The following NEK6 variants were observed in gnomAD, a reference collection of about 807,000 sequenced individuals.
NEK6 encodes the protein NIMA related kinase 6, also known as serine/threonine-protein kinase Nek6.
In NEK6, 27 loss-of-function variants were observed where a neutral mutation model predicts 43.5. That is an observed-to-expected ratio of 0.62 (90% CI 0.46 to 0.86). The LOEUF (loss-of-function observed/expected upper bound fraction) is 0.86. Ranked by LOEUF, NEK6 falls within the 40% of genes least tolerant of loss-of-function variation. The pLI is 0.00. For synonymous variants in NEK6, 167 were observed against 164.1 expected (o/e 1.02, Z -0.14); for missense variants, 318 against 414.4 (o/e 0.77, Z 2.02).
Position 124,257,977 on chromosome 9 carries a change from G to C in NEK6, c.-138G>C, listed in dbSNP as rs1299135966. 29 of 978,886 alleles carry C rather than the reference G, an allele frequency of 3.0e-5. 1 individual carries two copies. The highest frequency in any genetic ancestry group is 3.5e-5 in the Non-Finnish European group (29 of 827,504). 60.6% of individuals were successfully genotyped at this position (978,886 alleles called of 1,614,324 possible). A position where few individuals can be genotyped will look rare whatever the true frequency, so the allele number is the denominator to read the frequency against. On this transcript the variant is annotated 5_prime_UTR_variant, in exon 1 of 10. Coordinates refer to ENST00000320246, the MANE Select transcript of NEK6 (RefSeq NM_014397.6). ...GTGGCGGCGGCGGCGGAACCGAGCT[G>C]ACGGGCGTGCGGCCGCTGCGCCGCA... is the stretch of plus-strand genomic sequence containing the variant.
chr9:124,313,198 C>A (rs145033054), intron 3 of NEK6, among the ~76,000 whole-genome samples: 237 of 152,246 alleles, frequency 1.6e-3, no homozygotes, highest in Middle Eastern at 3.4e-3. Context: ...GCAAAGCTTC[C>A]CAAGCCCCTT....
intron 7 of NEK6, among the ~76,000 whole-genome samples, chr9:124,328,177 A>G (rs1360946512): frequency 6.6e-6 from 1 of 152,174 alleles, no homozygotes; most frequent in East Asian, 1.9e-4. Context: ...TTCAGTATCC[A>G]CACACTGGGT....
chr9:124,329,682 A>G (rs1274046573), intron 7 of NEK6, among the ~76,000 whole-genome samples: 2 of 152,220 alleles, frequency 1.3e-5, no homozygotes, highest in Non-Finnish European at 2.9e-5. Context: ...CAGCAGGACA[A>G]GCTCCCAGAA....
At chr9:124,274,255 A>C (rs1249218391) in intron 1 of NEK6, among the ~76,000 whole-genome samples, 1 of 152,262 alleles carries the variant, frequency 6.6e-6, no homozygotes, top group African/African-American at 2.4e-5. Flanking sequence ...TCGCTGTGGC[A>C]GGGCATGTGA....
In NEK6 at chr9:124,324,275, C is replaced by G. The variant is rs1428482202; in HGVS notation, c.406-2055C>G. 6.6e-6 allele frequency among the ~76,000 whole-genome samples: 1 copy of G among 152,186 alleles called. No homozygotes were observed. Among genetic ancestry groups the G allele is most frequent in the Non-Finnish European group, 1.5e-5 (1 of 68,018 alleles). On this transcript the variant is annotated intron_variant, in intron 5 of 9. Coordinates refer to ENST00000320246, the MANE Select transcript of NEK6 (RefSeq NM_014397.6). This position sits in a 1 kb window ranked among gnomAD's most constrained non-coding sequence, Gnocchi z 5.3. ...CTCGGTTCCCCTGGTTCTGCCTGCT[C>G]TCAGGCCACCTCTGGGTTTCCAGAG...
At chr9:124,274,035 G>A (rs369291006) in intron 1 of NEK6, among the ~76,000 whole-genome samples, 1 of 152,334 alleles carries the variant, frequency 6.6e-6, no homozygotes, top group African/African-American at 2.4e-5. Flanking sequence ...CATCACTTCT[G>A]TGGGATGAGA....
chr9:124,321,648 C>A, intron 5 of NEK6, 79 bp downstream of exon 5: 1 of 962,138 alleles, frequency 1.0e-6, no homozygotes, highest in Non-Finnish European at 1.6e-6. Flanking sequence ...TTAGCCCAGT[C>A]CCACAATGCT....
chr9:124,314,019 C>T (rs779749648), intron 4 of NEK6, 34 bp downstream of exon 4: 1 of 1,607,802 alleles, frequency 6.2e-7, no homozygotes. Flanking sequence ...AGCTTTGCCT[C>T]CTCGGGGAGG....
upstream of NEK6, chr9:124,257,888 T>TG (rs1830866874): frequency 6.1e-6 from 6 of 984,936 alleles, no homozygotes; most frequent in Non-Finnish European, 7.3e-6. Context: ...GCACGAGCGC[T>TG]GGGGGCGGCG....
chr9:124,333,128 C>A (rs1829099075), intron 7 of NEK6, among the ~76,000 whole-genome samples: 1 of 152,254 alleles, frequency 6.6e-6, no homozygotes, highest in South Asian at 2.1e-4. Context: ...CTCCTGGCGT[C>A]TGGGGATGCA....
At chr9:124,304,426 G>A (rs1052891578) in intron 2 of NEK6, among the ~76,000 whole-genome samples, 1 of 152,158 alleles carries the variant, frequency 6.6e-6, no homozygotes, top group Non-Finnish European at 1.5e-5. Flanking sequence ...CTCATTAGCC[G>A]GGTGAGACTA....
intron 9 of NEK6, among the ~76,000 whole-genome samples, chr9:124,348,797 G>T (rs541384867): frequency 6.6e-6 from 1 of 152,212 alleles, no homozygotes; most frequent in Non-Finnish European, 1.5e-5. Flanking sequence ...ACCACAGGCC[G>T]TCACCTCACG....
chr9:124,351,167 T>C lies in NEK6; in HGVS notation c.*220T>C. 2.0e-6 allele frequency: 1 copy of C among 501,728 alleles called. No homozygotes were observed. Among genetic ancestry groups the C allele is most frequent in the East Asian group, 3.6e-5 (1 of 28,048 alleles). 31.1% of individuals were successfully genotyped at this position (501,728 alleles called of 1,614,324 possible). ...GATGGTCAGATTCCAAAGTCCTTTC[T>C]TTATACTGTTGTGGACAATCTCAGC... On this transcript the variant is annotated 3_prime_UTR_variant, in exon 10 of 10. Transcript: ENST00000320246.
intron 7 of NEK6, among the ~76,000 whole-genome samples, chr9:124,336,294 A>G (rs1333943509): frequency 1.3e-5 from 2 of 152,220 alleles, no homozygotes; most frequent in Admixed American, 6.5e-5. Context: ...TCAAAATGTT[A>G]AACTTGTTCA....
chr9:124,333,013 G>A (rs986876123), intron 7 of NEK6, among the ~76,000 whole-genome samples: 1 of 152,138 alleles, frequency 6.6e-6, no homozygotes, highest in African/African-American at 2.4e-5. Context: ...CCGGGATAAG[G>A]CCCGGGCTGC....
chr9:124,347,385 T>C (rs1446363358), intron 8 of NEK6, among the ~76,000 whole-genome samples: 2 of 152,258 alleles, frequency 1.3e-5, no homozygotes, highest in South Asian at 2.1e-4. Context: ...ACCTGCCACA[T>C]GGAGCCTGGG....
At chr9:124,257,930 G>C (rs979441198), upstream of NEK6, 3 of 973,684 alleles carry the variant, frequency 3.1e-6, no homozygotes, top group Non-Finnish European at 3.6e-6. Context: ...CGGGCGCGCG[G>C]GCGCGCGGGC....
In NEK6 at chr9:124,321,513, G is replaced by A. The variant is rs143094065; in HGVS notation, c.349G>A (p.Glu117Lys). The A allele has an allele frequency of 1.2e-4, 195 of 1,613,954 alleles. No homozygotes were observed. The highest frequency in any genetic ancestry group is 4.9e-4 in the Middle Eastern group (3 of 6,084). The change falls in exon 5 of 10, where the codon GAG (glutamate) becomes AAG (lysine). Residue 117 changes from glutamate to lysine, a missense_variant. By Grantham distance (56) the Glu-to-Lys change is moderately conservative. Around this residue, in one of 2 missense-constraint regions of NEK6, gnomAD observed 239 missense variants for 344.4 expected, o/e 0.69. Transcript: ENST00000320246. Reference protein sequence around the residue: ...KYLDSFIEDNELNIVLELADA... With the variant: ...KYLDSFIEDNKLNIVLELADA... ...TTTGGACTCGTTTATCGAAGACAAC[G>A]AGCTGAACATTGTGCTGGAGTTGGC...
chr9:124,297,240 T>A (rs1832737847), intron 1 of NEK6, among the ~76,000 whole-genome samples: 1 of 152,132 alleles, frequency 6.6e-6, no homozygotes, highest in African/African-American at 2.4e-5. Context: ...CACATGGAGG[T>A]GATCACGCCT....
Sources: gnomAD v4.1 joint callset for allele counts (sites outside exome capture counted in the v4.1 genomes callset) on GRCh38, gnomAD v4.1.1 for gene constraint, gnomAD v4.1.1 regional missense constraint, Gnocchi (gnomAD v3.1) non-coding constraint, MANE v1.5 for transcripts, NCBI Gene and HGNC (gene_info 2026-07-23, HGNC 2026-07-21) for gene names.